PDGFRL: variants seen among roughly 807,000 people sequenced by gnomAD.
PDGFRL encodes the protein platelet derived growth factor receptor like.
In PDGFRL, 46 loss-of-function variants were observed where a neutral mutation model predicts 37.2. The observed-to-expected ratio is 1.24, with a 90% confidence interval of 0.98 to 1.58. PDGFRL has a LOEUF of 1.58. PDGFRL is among the 40% of genes most tolerant of loss of function. The probability of loss-of-function intolerance (pLI) is 0.00; values close to 1 mark genes in which losing one functional copy is unlikely to be tolerated. For missense variants in PDGFRL, 692 were observed against 467.6 expected (o/e 1.48, Z -4.43); for synonymous variants, 251 against 184.3 (o/e 1.36, Z -2.93).
At chr8:17,639,328 T>TTTTATTTA (rs750427024) in intron 5 of PDGFRL, among the ~76,000 whole-genome samples, 1 of 152,062 alleles carries the variant, frequency 6.6e-6, no homozygotes, top group Non-Finnish European at 1.5e-5. Context: ...ATACCTTGGT[T>TTTTATTTA]TTTATTTATT....
Position 17,597,161 on chromosome 8 carries a change from C to T in PDGFRL, c.353+7396C>T, listed in dbSNP as rs192319844. Among the ~76,000 whole-genome samples, 246 of 152,350 alleles carry T rather than the reference C, an allele frequency of 1.6e-3. 2 individuals carry two copies. Among genetic ancestry groups the T allele is most frequent in the African/African-American group, 5.7e-3 (237 of 41,590 alleles). ...TCAGCCTCCCGAGTAGCTGATACTA[C>T]AGGTATCTGCCGCCACACCTGGCTA... On this transcript the variant is annotated intron_variant, in intron 2 of 5. Coordinates refer to ENST00000251630, the MANE Select transcript of PDGFRL (RefSeq NM_001372073.1).
At chr8:17,621,348 A>G in intron 3 of PDGFRL, 146 bp downstream of exon 3, 3 of 506,232 alleles carry the variant, frequency 5.9e-6, no homozygotes, top group Non-Finnish European at 1.1e-5. Flanking sequence ...GCTTTACATC[A>G]GTTATTTCAT....
At chr8:17,632,027 C>T (rs1213208468) in intron 4 of PDGFRL, among the ~76,000 whole-genome samples, 1 of 152,212 alleles carries the variant, frequency 6.6e-6, no homozygotes, top group Non-Finnish European at 1.5e-5. Context: ...CGGGGTCCTC[C>T]ATCCTCCGCG....
intron 2 of PDGFRL, among the ~76,000 whole-genome samples, chr8:17,607,140 C>T (rs531100881): frequency 6.6e-6 from 1 of 152,176 alleles, no homozygotes; most frequent in African/African-American, 2.4e-5. Context: ...AAGTGATCCA[C>T]CTGCCTTGGC....
chr8:17,609,634 T>TAAAAAAAAAAAAAAAAAAAAA, intron 2 of PDGFRL, among the ~76,000 whole-genome samples: 1 of 43,502 alleles, frequency 2.3e-5, no homozygotes, highest in Non-Finnish European at 4.0e-5. Flanking sequence ...TGAGACTCTG[T>TAAAAAAAAAAAAAAAAAAAAA]AAAAAAAAAA....
intron 3 of PDGFRL, among the ~76,000 whole-genome samples, chr8:17,624,354 C>T (rs183228689): frequency 9.1e-4 from 138 of 152,252 alleles, no homozygotes; most frequent in African/African-American, 3.1e-3. Flanking sequence ...AAATAATTGC[C>T]GTATGTATTT....
At chr8:17,609,797 C>G (rs1258167318) in intron 2 of PDGFRL, among the ~76,000 whole-genome samples, 3 of 152,094 alleles carry the variant, frequency 2.0e-5, no homozygotes, top group Non-Finnish European at 4.4e-5. Flanking sequence ...GCCTAAGAGA[C>G]TTGCTCATGT....
chr8:17,631,227 G>T (rs10112469), intron 4 of PDGFRL, among the ~76,000 whole-genome samples: 2,644 of 152,204 alleles, frequency 0.017, 84 homozygotes, highest in African/African-American at 0.06. Context: ...AGCCTTGCAA[G>T]GGAGGAGGGG....
At chr8:17,585,911 T>C (rs1185972014) in intron 1 of PDGFRL, among the ~76,000 whole-genome samples, 4 of 152,084 alleles carry the variant, frequency 2.6e-5, no homozygotes, top group African/African-American at 7.2e-5. Context: ...TTTGTAACAT[T>C]TGTTTATTTA....
chr8:17,636,597 G>T (rs1804974999), intron 5 of PDGFRL, among the ~76,000 whole-genome samples: 1 of 151,110 alleles, frequency 6.6e-6, no homozygotes, highest in Non-Finnish European at 1.5e-5. Flanking sequence ...TGGCTCTGCA[G>T]ATTCTTTTTT....
At chr8:17,594,929 G>C (rs554029928) in intron 2 of PDGFRL, among the ~76,000 whole-genome samples, 1 of 152,328 alleles carries the variant, frequency 6.6e-6, no homozygotes, top group East Asian at 1.9e-4. Flanking sequence ...AGTGAACATG[G>C]ATGTGCATAT....
At chr8:17,615,811 A>C (rs1804511357) in intron 2 of PDGFRL, among the ~76,000 whole-genome samples, 1 of 152,234 alleles carries the variant, frequency 6.6e-6, no homozygotes, top group African/African-American at 2.4e-5. Context: ...CAGGAGGCCA[A>C]GGTGGGAGGA....
At chr8:17,589,047 G>T (rs140681375) in intron 1 of PDGFRL, among the ~76,000 whole-genome samples, 102 of 152,168 alleles carry the variant, frequency 6.7e-4, no homozygotes, top group African/African-American at 2.0e-3. Flanking sequence ...CATATGAGGA[G>T]GGGAGGATTA....
intron 4 of PDGFRL, among the ~76,000 whole-genome samples, chr8:17,631,692 G>A (rs1193619432): frequency 1.3e-5 from 2 of 152,036 alleles, no homozygotes; most frequent in South Asian, 2.1e-4. Flanking sequence ...CAAGGTACTC[G>A]GGGACCCCCA....
At chr8:17,608,399 T>C (rs1192306933) in intron 2 of PDGFRL, among the ~76,000 whole-genome samples, 3 of 152,220 alleles carry the variant, frequency 2.0e-5, no homozygotes, top group African/African-American at 4.8e-5. Context: ...TCAACCAACA[T>C]TGATACAAGT....
chr8:17,593,274 C>T (rs1228610569), intron 2 of PDGFRL, among the ~76,000 whole-genome samples: 2 of 151,982 alleles, frequency 1.3e-5, no homozygotes, highest in Non-Finnish European at 2.9e-5. Context: ...CAGTAAAAAA[C>T]ATATAACATA....
intron 1 of PDGFRL, among the ~76,000 whole-genome samples, chr8:17,585,533 G>A (rs1172269409): frequency 6.6e-6 from 1 of 152,110 alleles, no homozygotes; most frequent in Non-Finnish European, 1.5e-5. Context: ...CCTGTGGGGT[G>A]TTTCATGAAA....
At chr8:17,597,329 T>C (rs1181012415) in intron 2 of PDGFRL, among the ~76,000 whole-genome samples, 5 of 152,034 alleles carry the variant, frequency 3.3e-5, no homozygotes, top group Non-Finnish European at 5.9e-5. Flanking sequence ...CCAAGCCTTG[T>C]AGTTATAACC....
At chr8:17,636,580 C>G (rs147326792) in intron 5 of PDGFRL, among the ~76,000 whole-genome samples, 2,863 of 146,678 alleles carry the variant, frequency 0.02, 78 homozygotes, top group African/African-American at 0.067. Flanking sequence ...TTTGCTTAGT[C>G]TTGTTTTGGC....
Sources: gnomAD v4.1 joint callset for allele counts (sites outside exome capture counted in the v4.1 genomes callset) on GRCh38, gnomAD v4.1.1 for gene constraint, MANE v1.5 for transcripts, NCBI Gene and HGNC (gene_info 2026-07-23, HGNC 2026-07-21) for gene names.